Variants in TNS1 observed in about 807,000 individuals in gnomAD.
The protein encoded by TNS1 is tensin 1, also known as tensin-1.
TNS1 carries 62 observed loss-of-function variants against 168.6 expected under a neutral mutation model. The observed-to-expected ratio is 0.37, with a 90% confidence interval of 0.30 to 0.45. TNS1 has a LOEUF of 0.45. TNS1 is among the 20% of genes least tolerant of loss of function. The probability of loss-of-function intolerance (pLI) is 1.00; values close to 1 mark genes in which losing one functional copy is unlikely to be tolerated. For synonymous variants in TNS1, 934 were observed against 933.2 expected, an observed-to-expected ratio of 1.00 and a Z score of -0.02; for missense variants, 2,240 against 2,339.4, an observed-to-expected ratio of 0.96 and a Z score of 0.88.
upstream of TNS1, among the ~76,000 whole-genome samples, chr2:218,003,263 T>C (rs114677985): frequency 7.2e-4 from 103 of 143,006 alleles, no homozygotes; most frequent in African/African-American, 2.5e-3. Context: ...TCTGATCTGG[T>C]GCTGGTAGGC....
intron 3 of TNS1, among the ~76,000 whole-genome samples, chr2:217,946,955 T>TCA (rs1291975623): frequency 1.8e-5 from 2 of 113,654 alleles, no homozygotes; most frequent in African/African-American, 5.6e-5. Context: ...TCTCTCTCTC[T>TCA]CTCTCTCTCT....
chr2:217,885,833 G>A lies in TNS1; in HGVS notation c.1041-14C>T, dbSNP rs1449555879. Reference sequence around the variant, plus strand: ...CCTGGGATGTTGCTAAGGGAGAGAGGTGGGCAGAAAAAGAGTGGGCTGCTG... The same window carrying A: ...CCTGGGATGTTGCTAAGGGAGAGAGATGGGCAGAAAAAGAGTGGGCTGCTG... On this transcript the variant is annotated splice_polypyrimidine_tract_variant and intron_variant, in intron 14 of 32. Transcript: ENST00000682258. The A allele has an allele frequency of 1.2e-6, 2 of 1,613,926 alleles. No individual in the cohort carries two copies. The highest frequency in any genetic ancestry group is 2.2e-5 in the South Asian group (2 of 91,080).
intron 2 of TNS1, among the ~76,000 whole-genome samples, chr2:217,985,295 G>A (rs1296880148): frequency 6.6e-6 from 1 of 152,052 alleles, no homozygotes; most frequent in East Asian, 1.9e-4. Context: ...AAGATTCACT[G>A]AATGCTTGCT....
intron 4 of TNS1, among the ~76,000 whole-genome samples, chr2:217,912,297 C>A (rs900375972): frequency 6.6e-5 from 10 of 152,270 alleles, no homozygotes; most frequent in African/African-American, 2.4e-4. Flanking sequence ...AGCCCAGGGC[C>A]GAGGGGAAGG....
At chr2:217,924,234 C>A (rs1955888832) in intron 3 of TNS1, among the ~76,000 whole-genome samples, 2 of 152,136 alleles carry the variant, frequency 1.3e-5, no homozygotes, top group Non-Finnish European at 2.9e-5. Flanking sequence ...CTGTGTCCTT[C>A]CTGTCCTTCT....
chr2:217,937,432 C>A (rs1157254127), intron 3 of TNS1, among the ~76,000 whole-genome samples: 1 of 152,188 alleles, frequency 6.6e-6, no homozygotes, highest in Non-Finnish European at 1.5e-5. Context: ...ATAGCCCGAA[C>A]CCCAGCTCAT....
Position 217,800,005 on chromosome 2 carries a change from G to A in TNS1, c.*4454C>T, listed in dbSNP as rs1937239343. On this transcript the variant is annotated 3_prime_UTR_variant, in exon 33 of 33. Transcript: ENST00000682258. ...CTATATAAATACACAGCTGGGGTGG[G>A]GAAGGATGCTGGGTGATCTTGTTTC... 6.6e-6 allele frequency: 1 copy of A among 152,204 alleles called. No homozygotes were observed. Among genetic ancestry groups the A allele is most frequent in the Non-Finnish European group, 1.5e-5 (1 of 68,042 alleles). The allele number at this position is 152,204 out of a possible 1,614,324, so 9.4% of individuals were successfully genotyped here. A position where few individuals can be genotyped will look rare whatever the true frequency, so the allele number is the denominator to read the frequency against.
chr2:218,021,560 G>A (rs1574483264), intron 1 of TNS1, among the ~76,000 whole-genome samples: 1 of 152,200 alleles, frequency 6.6e-6, no homozygotes, highest in South Asian at 2.1e-4. Context: ...ACTGGGGTTC[G>A]AGTTCTGCCC....
chr2:217,980,245 C>T (rs565371869), intron 2 of TNS1, among the ~76,000 whole-genome samples: 79 of 152,272 alleles, frequency 5.2e-4, no homozygotes, highest in African/African-American at 1.8e-3. Context: ...GGGACATCTC[C>T]ACCCTGGCCA....
chr2:218,023,655 C>A (rs1283682813), intron 1 of TNS1, among the ~76,000 whole-genome samples: 1 of 152,226 alleles, frequency 6.6e-6, no homozygotes, highest in East Asian at 1.9e-4. Flanking sequence ...AATGATCTCA[C>A]TAACCCTGTG....
At chr2:217,833,520 C>T (rs1033928908) in intron 21 of TNS1, among the ~76,000 whole-genome samples, 3 of 152,262 alleles carry the variant, frequency 2.0e-5, no homozygotes, top group African/African-American at 7.2e-5. Flanking sequence ...TAGCACAGCC[C>T]AGGTGGCTTC....
At position 217,880,760 on chromosome 2, in the gene TNS1, C is replaced by T; in HGVS notation, c.1429+138G>A. 4 of 683,054 alleles carry T rather than the reference C, an allele frequency of 5.9e-6. No individual in the cohort carries two copies. In the South Asian group the frequency reaches 7.0e-5, roughly 12 times the overall value. The allele number at this position is 683,054 out of a possible 1,614,324, so 42.3% of individuals were successfully genotyped here. A position where few individuals can be genotyped will look rare whatever the true frequency, so the allele number is the denominator to read the frequency against. ...TTATCTTCCCCCAGTTAACGGTGAG[C>T]TCTCGGAGGTACCTCACACTTCCCC... On this transcript the variant is annotated intron_variant, in intron 18 of 32. Coordinates refer to ENST00000682258, the MANE Select transcript of TNS1 (RefSeq NM_001387777.1). This position sits in a 1 kb window ranked among gnomAD's most constrained non-coding sequence, Gnocchi z 4.2.
At chr2:217,843,173 A>G (rs1442374821) in intron 19 of TNS1, among the ~76,000 whole-genome samples, 1 of 151,544 alleles carries the variant, frequency 6.6e-6, no homozygotes, top group Non-Finnish European at 1.5e-5. Context: ...TCAAGCTCCC[A>G]AAGCTTGACA....
At chr2:217,998,221 G>GTGTCTCTCTCTC (rs113510224) in intron 1 of TNS1, among the ~76,000 whole-genome samples, 1 of 149,460 alleles carries the variant, frequency 6.7e-6, no homozygotes, top group African/African-American at 2.5e-5. Context: ...CTCCATCAGT[G>GTGTCTCTCTCTC]TCTCTCTCTC....
intron 18 of TNS1, chr2:217,858,671 TACACAC>T (rs60953913): frequency 0.026 from 3,827 of 149,302 alleles, 71 homozygotes; most frequent in Non-Finnish European, 0.029. Flanking sequence ...CCTGCCCATG[TACACAC>T]ACACACACAC....
rs75307465 is a variant in TNS1, at chr2:217,923,453, G to A, written c.187-3217C>T. Among the ~76,000 whole-genome samples the A allele has an allele frequency of 0.018, 2,758 of 152,324 alleles. 134 individuals are homozygous for A. In the East Asian group the frequency reaches 0.2, roughly 11 times the overall value. On this transcript the variant is annotated intron_variant, in intron 3 of 32. Transcript: ENST00000682258. ...CTCATTTAATTCACGTAACAATGCT[G>A]AGCGTTGTCATTATTATCCCCATTT...
rs368001420 is a variant in TNS1 at position 217,818,738 on chromosome 2, C to A, written c.3594G>T (p.Pro1198=). 6.2e-7 allele frequency: 1 copy of A among 1,611,728 alleles called. No homozygotes were observed. ...GACCCTGGTCACTGCTCTCTCCCGA[C>A]GGGAAACTCCCCACTGAAGTGCTGC... is the stretch of plus-strand genomic sequence containing the variant. ...SADSTSVGSF[P]SGESSDQGPR... is the part of the protein sequence containing the mutation. The change falls in exon 24 of 33, where the codon CCG becomes CCT. Residue 1198 remains proline, a synonymous_variant. Transcript: ENST00000682258.
At chr2:217,814,841 C>A in intron 25 of TNS1, 71 bp downstream of exon 25, 1 of 1,373,474 alleles carries the variant, frequency 7.3e-7, no homozygotes, top group East Asian at 2.3e-5. Context: ...GCCTCTGTTC[C>A]TTGCCCAGGG....
chr2:217,949,234 C>T (rs188885692), intron 3 of TNS1, among the ~76,000 whole-genome samples: 14 of 152,318 alleles, frequency 9.2e-5, no homozygotes, highest in Non-Finnish European at 1.6e-4. Context: ...TGGAGATGCC[C>T]GGAAACATGT....
Sources: gnomAD v4.1 joint callset for allele counts (sites outside exome capture counted in the v4.1 genomes callset) on GRCh38, gnomAD v4.1.1 for gene constraint, Gnocchi (gnomAD v3.1) non-coding constraint, MANE v1.5 for transcripts, NCBI Gene and HGNC (gene_info 2026-07-23, HGNC 2026-07-21) for gene names.